Variants in RBM38 observed in about 807,000 individuals in gnomAD.
RBM38 encodes RNA-binding protein 38.
A neutral mutation model predicts 23.5 loss-of-function variants in RBM38; 11 were observed. The ratio of observed to expected loss-of-function variants is 0.47; its 90% CI spans 0.29 to 0.77. The LOEUF (loss-of-function observed/expected upper bound fraction) is 0.77. RBM38 is among the 30% of genes least tolerant of loss of function. The pLI, the probability that RBM38 is intolerant of heterozygous loss-of-function variation, is 0.08. For synonymous variants in RBM38, 165 were observed against 166.1 expected, an observed-to-expected ratio of 0.99 and a Z score of 0.05; for missense variants, 330 against 351.9, an observed-to-expected ratio of 0.94 and a Z score of 0.50.
intron 3 of RBM38, among the ~76,000 whole-genome samples, chr20:57,406,981 G>T (rs1016588713): frequency 6.8e-6 from 1 of 146,900 alleles, no homozygotes; most frequent in South Asian, 2.1e-4. Flanking sequence ...GGAACAGAGC[G>T]AGACTCTGTC....
Position 57,408,222 on chromosome 20 carries a change from C to T in RBM38, c.*376C>T, listed in dbSNP as rs2067408380. ...CGGGGTGTCACAGACCCTCTGCAGC[C>T]CCTGGCTGCCCTGGACTGTGCAGAG... On this transcript the variant is annotated 3_prime_UTR_variant, in exon 4 of 4. Coordinates refer to ENST00000356208, the MANE Select transcript of RBM38 (RefSeq NM_017495.6). 2.8e-6 allele frequency: 1 copy of T among 362,054 alleles called. No individual in the cohort carries two copies. Among genetic ancestry groups the T allele is most frequent in the South Asian group, 2.6e-5 (1 of 38,926 alleles). 22.4% of individuals were successfully genotyped at this position (362,054 alleles called of 1,614,324 possible).
chr20:57,391,662 G>T lies in RBM38; in HGVS notation c.81G>T (p.Ser27=). 6.7e-7 allele frequency: 1 copy of T among 1,500,916 alleles called. No individual in the cohort carries two copies. The highest frequency in any genetic ancestry group is 8.9e-7 in the Non-Finnish European group (1 of 1,121,394). 93.0% of individuals were successfully genotyped at this position (1,500,916 alleles called of 1,614,324 possible). The change falls in exon 1 of 4, where the codon TCG becomes TCT. Residue 27 remains serine (S), a synonymous_variant. Transcript: ENST00000356208. ...CCGCCCCCGGCGCCATGCACGGCTCGCAGAAGGACACCACGTTCACCAAGA... is the reference window on the plus strand; with the variant it reads ...CCGCCCCCGGCGCCATGCACGGCTCTCAGAAGGACACCACGTTCACCAAGA... ...PLAAPGAMHG[S]QKDTTFTKIF... is the part of the protein sequence containing the mutation.
chr20:57,393,429 G>GT, intron 3 of RBM38, 96 bp downstream of exon 3: 1 of 1,309,178 alleles, frequency 7.6e-7, no homozygotes, highest in South Asian at 1.2e-5. Context: ...GGAAATGACA[G>GT]TTTTCAGACA....
In RBM38 at chr20:57,408,639, T is replaced by C. The variant is rs11546711; in HGVS notation, c.*793T>C. On this transcript the variant is annotated 3_prime_UTR_variant, in exon 4 of 4. Transcript: ENST00000356208. ...TTGGTTCCGCCCGTGGAGACGACGA[T>C]AGTGTTTCTGTATAATAAAGTGTCT... The C allele has an allele frequency of 0.19, 28,994 of 152,012 alleles. 2,994 individuals carry two copies. Among genetic ancestry groups the C allele is most frequent in the Middle Eastern group, 0.29 (86 of 294 alleles). The allele number at this position is 152,012 out of a possible 1,614,324, so 9.4% of individuals were successfully genotyped here.
intron 3 of RBM38, among the ~76,000 whole-genome samples, chr20:57,396,560 C>T (rs2067276508): frequency 6.6e-6 from 1 of 152,006 alleles, no homozygotes; most frequent in African/African-American, 2.4e-5. Context: ...CAGCTGCTTC[C>T]CTGGGTGCGG....
intron 3 of RBM38, among the ~76,000 whole-genome samples, chr20:57,405,028 C>CA (rs1311906922): frequency 2.6e-5 from 4 of 152,204 alleles, no homozygotes; most frequent in Admixed American, 6.5e-5. Flanking sequence ...TTCAGACACT[C>CA]AGACTGGCGC....
intron 3 of RBM38, among the ~76,000 whole-genome samples, chr20:57,393,714 C>T (rs984424846): frequency 1.3e-5 from 2 of 152,216 alleles, no homozygotes; most frequent in Non-Finnish European, 2.9e-5. Flanking sequence ...TAGGGACTGG[C>T]AGGCTGAGTT....
At chr20:57,404,115 C>T (rs766864171) in intron 3 of RBM38, among the ~76,000 whole-genome samples, 29 of 152,242 alleles carry the variant, frequency 1.9e-4, no homozygotes, top group Non-Finnish European at 3.8e-4. Flanking sequence ...GCCAAGGCAG[C>T]GCTCTGGCCC....
rs1288806344 is a variant in RBM38, at chr20:57,407,890, G to A, written c.*44G>A. 6.6e-7 allele frequency: 1 copy of A among 1,510,796 alleles called. No individual in the cohort carries two copies. Among genetic ancestry groups the A allele is most frequent in the South Asian group, 1.2e-5 (1 of 80,616 alleles). The allele number at this position is 1,510,796 out of a possible 1,614,324, so 93.6% of individuals were successfully genotyped here. On this transcript the variant is annotated 3_prime_UTR_variant, in exon 4 of 4. Coordinates refer to ENST00000356208, the MANE Select transcript of RBM38 (RefSeq NM_017495.6). This position sits in a 1 kb window ranked among gnomAD's most constrained non-coding sequence, Gnocchi z 4.0. ...GGACTGTGGCATTGTCACCTTCACA[G>A]CAGACAGAGCTGCCAGGCCATGATG...
In RBM38 at chr20:57,391,859, C is replaced by T. The variant is rs548471828; in HGVS notation, c.237+41C>T. ...GCCCGGGCCCGCACCCCGCCGCACACCTTATCGCGGCCCGGGCGCCGAGTC... is the reference window on the plus strand; with the variant it reads ...GCCCGGGCCCGCACCCCGCCGCACATCTTATCGCGGCCCGGGCGCCGAGTC... On this transcript the variant is annotated intron_variant, in intron 1 of 3. Coordinates refer to ENST00000356208, the MANE Select transcript of RBM38 (RefSeq NM_017495.6). 74 of 1,390,560 alleles carry T rather than the reference C, an allele frequency of 5.3e-5. No homozygotes were observed. The East Asian group carries it at 2.2e-3, about 41-fold the overall frequency. 86.1% of individuals were successfully genotyped at this position (1,390,560 alleles called of 1,614,324 possible).
At chr20:57,391,919 G>T in intron 1 of RBM38, 101 bp downstream of exon 1, 3 of 837,852 alleles carry the variant, frequency 3.6e-6, no homozygotes, top group Non-Finnish European at 4.7e-6. Context: ...GCCCGCTGCC[G>T]CCCCCGCCCC....
intron 1 of RBM38, 140 bp downstream of exon 1, chr20:57,391,958 C>T (rs1279860981): frequency 2.7e-6 from 1 of 368,228 alleles, no homozygotes; most frequent in Non-Finnish European, 4.2e-6. Context: ...CCCGCACCTG[C>T]CGCCTCTCCC....
In RBM38 at chr20:57,408,898, G is replaced by C. The variant is rs906150980; in HGVS notation, c.*1052G>C. ...CAGCATTCAGGCCACTTGGGGTCTA[G>C]ACCATGGTGGTGCCAGCCTGGGGGG... is the stretch of plus-strand genomic sequence containing the variant. On this transcript the variant is annotated 3_prime_UTR_variant, in exon 4 of 4. Transcript: ENST00000356208. The C allele has an allele frequency of 6.5e-6, 1 of 152,826 alleles. No homozygotes were observed. Among genetic ancestry groups the C allele is most frequent in the African/African-American group, 2.4e-5 (1 of 41,418 alleles). 9.5% of individuals were successfully genotyped at this position (152,826 alleles called of 1,614,324 possible).
intron 3 of RBM38, 85 bp downstream of exon 3, chr20:57,393,418 G>C (rs1005444886): frequency 7.2e-7 from 1 of 1,384,992 alleles, no homozygotes; most frequent in Admixed American, 1.7e-5. Flanking sequence ...TGGAAGGCTG[G>C]GGAAATGACA....
intron 3 of RBM38, chr20:57,399,817 G>A (rs912330561): frequency 1.8e-5 from 8 of 450,596 alleles, no homozygotes; most frequent in Non-Finnish European, 3.1e-5. Flanking sequence ...CCAGCCAGGC[G>A]GGAGTCAGAA....
intron 3 of RBM38, among the ~76,000 whole-genome samples, chr20:57,399,022 G>T (rs1429975081): frequency 1.3e-5 from 2 of 152,222 alleles, no homozygotes; most frequent in African/African-American, 2.4e-5. Flanking sequence ...TGCCATGGGG[G>T]TGAGGGGAGA....
At chr20:57,394,461 T>C (rs2067254104) in intron 3 of RBM38, among the ~76,000 whole-genome samples, 1 of 152,070 alleles carries the variant, frequency 6.6e-6, no homozygotes, top group Non-Finnish European at 1.5e-5. Flanking sequence ...TTGGTGGATG[T>C]GTGCAAGTGT....
rs371553583 is a variant in RBM38, at chr20:57,391,643, C to G, written c.62C>G (p.Pro21Arg). Reference sequence around the variant, plus strand: ...GGCTTCCCGCGGCCCCTGGCCGCCCCCGGCGCCATGCACGGCTCGCAGAAG... The same window carrying G: ...GGCTTCCCGCGGCCCCTGGCCGCCCGCGGCGCCATGCACGGCTCGCAGAAG... The part of the protein sequence containing the change: ...SAGFPRPLAA[P>R]GAMHGSQKDT... The change falls in exon 1 of 4, where the codon CCC becomes CGC. Residue 21 changes from proline to arginine, a missense_variant. Pro to Arg is a moderately radical substitution (Grantham distance 103, BLOSUM62 -2). Around this residue, in one of 3 missense-constraint regions of RBM38, gnomAD observed 95 missense variants for 111.9 expected, o/e 0.85. Coordinates refer to ENST00000356208, the MANE Select transcript of RBM38 (RefSeq NM_017495.6). 7.4e-6 allele frequency: 11 copies of G among 1,477,666 alleles called. No homozygotes were observed. The highest frequency in any genetic ancestry group is 9.9e-6 in the Non-Finnish European group (11 of 1,108,360). 91.5% of individuals were successfully genotyped at this position (1,477,666 alleles called of 1,614,324 possible).
chr20:57,392,844 T>G (rs1388287653), intron 2 of RBM38, 67 bp downstream of exon 2: 1 of 1,571,750 alleles, frequency 6.4e-7, no homozygotes, highest in Non-Finnish European at 8.6e-7. Flanking sequence ...ATCTGTCGGG[T>G]GGAAAGAGGC....
Sources: allele counts gnomAD v4.1 joint callset (sites outside exome capture counted in the v4.1 genomes callset), GRCh38; gene constraint gnomAD v4.1.1; regional missense constraint gnomAD v4.1.1; non-coding constraint Gnocchi (gnomAD v3.1); transcripts MANE v1.5; gene names NCBI Gene and HGNC (gene_info 2026-07-23, HGNC 2026-07-21).